The following RPAP2 variants were observed in gnomAD, a reference collection of about 807,000 sequenced individuals.
RPAP2 encodes putative RNA polymerase II subunit B1 CTD phosphatase RPAP2.
In RPAP2, 52 loss-of-function variants were observed where a neutral mutation model predicts 73.1. That is an observed-to-expected ratio of 0.71 (90% CI 0.57 to 0.90). The LOEUF (loss-of-function observed/expected upper bound fraction) is 0.90. RPAP2 is among the 40% of genes least tolerant of loss of function. RPAP2 has a pLI of 0.00. For synonymous variants in RPAP2, 225 were observed against 242.1 expected (o/e 0.93, Z 0.65); for missense variants, 598 against 701.8 (o/e 0.85, Z 1.67).
chr1:92,397,857 A>G lies in RPAP2; in HGVS notation c.*10846A>G, dbSNP rs1307836829. On this transcript the variant is annotated 3_prime_UTR_variant, in exon 13 of 13. Coordinates refer to ENST00000610020, the MANE Select transcript of RPAP2 (RefSeq NM_024813.3). ...AGCATGTCAGACAGACACAGGAGCC[A>G]ATCTGAAAGAGCTCCCTGGCCGGGC... The G allele has an allele frequency of 2.0e-5, 3 of 152,314 alleles. No individual in the cohort carries two copies. Among genetic ancestry groups the G allele is most frequent in the Non-Finnish European group, 4.4e-5 (3 of 68,144 alleles). The allele number at this position is 152,314 out of a possible 1,614,324, so 9.4% of individuals were successfully genotyped here.
chr1:92,373,835 C>T (rs1233723729), intron 11 of RPAP2, among the ~76,000 whole-genome samples: 1 of 145,606 alleles, frequency 6.9e-6, no homozygotes, highest in Admixed American at 7.0e-5. Flanking sequence ...TGAAGAACTG[C>T]TTGAACCCAG....
At chr1:92,381,805 A>AC (rs1274295130) in intron 12 of RPAP2, among the ~76,000 whole-genome samples, 2 of 151,724 alleles carry the variant, frequency 1.3e-5, no homozygotes, top group Non-Finnish European at 2.9e-5. Context: ...GTTTTAGGGT[A>AC]CATGTGCACA....
In RPAP2 at chr1:92,323,325, A is replaced by G. The variant is rs1652421779; in HGVS notation, c.525-120A>G. On this transcript the variant is annotated intron_variant, in intron 7 of 12. Coordinates refer to ENST00000610020, the MANE Select transcript of RPAP2 (RefSeq NM_024813.3). The stretch of plus-strand genomic sequence containing the variant: ...GAAATAAGGTTTTGTCTGGGGAATA[A>G]AAATTTCTACCTTGAAAGTTACAAT... 8 of 592,062 alleles carry G rather than the reference A, an allele frequency of 1.4e-5. No homozygotes were observed. The South Asian group carries it at 3.3e-4, about 25-fold the overall frequency. The allele number at this position is 592,062 out of a possible 1,614,324, so 36.7% of individuals were successfully genotyped here.
chr1:92,371,319 A>AAAT (rs1199565882), intron 11 of RPAP2, among the ~76,000 whole-genome samples: 10 of 61,724 alleles, frequency 1.6e-4, no homozygotes, highest in African/African-American at 7.2e-4. Context: ...AAAAAAAAAA[A>AAAT]ATATATATAT....
At chr1:92,345,784 G>C in intron 10 of RPAP2, 62 bp from the exon 11 acceptor site, 1 of 1,030,224 alleles carries the variant, frequency 9.7e-7, no homozygotes, top group Non-Finnish European at 1.5e-6. Flanking sequence ...ATGTTATCTA[G>C]AAAGAAATAG....
rs1030143689 is a variant in RPAP2 at position 92,400,694 on chromosome 1, T to C, written c.*13683T>C. On this transcript the variant is annotated 3_prime_UTR_variant, in exon 13 of 13. Coordinates refer to ENST00000610020, the MANE Select transcript of RPAP2 (RefSeq NM_024813.3). ...TGGAGCCTTCACAATTAGTTTTAGG[T>C]TGGGAGACCGTGAACCCACCAAGCA... The C allele has an allele frequency of 3.3e-5, 5 of 152,104 alleles. No individual in the cohort carries two copies. The highest frequency in any genetic ancestry group is 7.4e-5 in the Non-Finnish European group (5 of 68,026). The allele number at this position is 152,104 out of a possible 1,614,324, so 9.4% of individuals were successfully genotyped here.
rs1049176202 is a variant in RPAP2, at chr1:92,391,958, A to G, written c.*4947A>G. ...CAGCCAAATTCTACGAAAGGTACAAAGAGGTGCTGGTACCATTCCTTCTGA... is the reference window on the plus strand; with the variant it reads ...CAGCCAAATTCTACGAAAGGTACAAGGAGGTGCTGGTACCATTCCTTCTGA... On this transcript the variant is annotated 3_prime_UTR_variant, in exon 13 of 13. Coordinates refer to ENST00000610020, the MANE Select transcript of RPAP2 (RefSeq NM_024813.3). The G allele has an allele frequency of 3.9e-5, 6 of 152,238 alleles. No homozygotes were observed. 9.4% of individuals were successfully genotyped at this position (152,238 alleles called of 1,614,324 possible).
At chr1:92,376,336 G>A (rs1655385957) in intron 11 of RPAP2, among the ~76,000 whole-genome samples, 1 of 152,046 alleles carries the variant, frequency 6.6e-6, no homozygotes, top group Non-Finnish European at 1.5e-5. Context: ...TATTCTGTTA[G>A]GGACTGGTGG....
chr1:92,401,081 G>T lies in RPAP2; in HGVS notation c.*14070G>T, dbSNP rs967371712. The T allele has an allele frequency of 1.3e-5, 2 of 152,148 alleles. No homozygotes were observed. Among genetic ancestry groups the T allele is most frequent in the Non-Finnish European group, 2.9e-5 (2 of 68,038 alleles). 9.4% of individuals were successfully genotyped at this position (152,148 alleles called of 1,614,324 possible). A position where few individuals can be genotyped will look rare whatever the true frequency, so the allele number is the denominator to read the frequency against. On this transcript the variant is annotated 3_prime_UTR_variant, in exon 13 of 13. Coordinates refer to ENST00000610020, the MANE Select transcript of RPAP2 (RefSeq NM_024813.3). Reference sequence around the variant, plus strand: ...AGAACTCACTATCATGAGAACAGCAGGGGAGAACCACCCCCATGATCCAAT... The same window carrying T: ...AGAACTCACTATCATGAGAACAGCATGGGAGAACCACCCCCATGATCCAAT...
At position 92,385,972 on chromosome 1, in the gene RPAP2, C is replaced by T. The variant is rs1019662581; in HGVS notation, c.*-1039C>T. 5.3e-5 allele frequency among the ~76,000 whole-genome samples: 8 copies of T among 152,142 alleles called. No homozygotes were observed. The South Asian group carries it at 6.2e-4, about 12-fold the overall frequency. On this transcript the variant is annotated intron_variant, in intron 12 of 12. Coordinates refer to ENST00000610020, the MANE Select transcript of RPAP2 (RefSeq NM_024813.3). ...ATGTGGTTGTTGGCAGGATCGCACT[C>T]CTCATAGACTATTGAACTCAGGGTC...
intron 11 of RPAP2, among the ~76,000 whole-genome samples, chr1:92,366,558 A>G (rs1286167082): frequency 6.6e-6 from 1 of 152,168 alleles, no homozygotes; most frequent in African/African-American, 2.4e-5. Flanking sequence ...CAGGGGCCAC[A>G]TGTGAGACAG....
chr1:92,372,575 G>C (rs1170996148), intron 11 of RPAP2, among the ~76,000 whole-genome samples: 1 of 152,138 alleles, frequency 6.6e-6, no homozygotes, highest in Non-Finnish European at 1.5e-5. Context: ...TGTGTGGCCT[G>C]GGGGAGGGGG....
chr1:92,320,506 C>T (rs1044083937), intron 6 of RPAP2, 93 bp from the exon 7 acceptor site: 3 of 941,544 alleles, frequency 3.2e-6, no homozygotes, highest in Non-Finnish European at 5.1e-6. Flanking sequence ...CTCCTGACCT[C>T]GAGATCCGCC....
intron 11 of RPAP2, among the ~76,000 whole-genome samples, chr1:92,362,479 C>G (rs1654769193): frequency 6.6e-6 from 1 of 152,112 alleles, no homozygotes; most frequent in African/African-American, 2.4e-5. Flanking sequence ...TTGTGTTGTC[C>G]CACCATTCGC....
intron 6 of RPAP2, among the ~76,000 whole-genome samples, chr1:92,317,845 A>G (rs1273944248): frequency 6.6e-6 from 1 of 152,222 alleles, no homozygotes; most frequent in Non-Finnish European, 1.5e-5. Context: ...AAGCTGTCTT[A>G]AATTGCATTC....
At position 92,323,849 on chromosome 1, in the gene RPAP2, A is replaced by G; in HGVS notation, c.929A>G (p.Lys310Arg). The G allele has an allele frequency of 1.2e-6, 2 of 1,614,030 alleles. No homozygotes were observed. Among genetic ancestry groups the G allele is most frequent in the East Asian group, 2.2e-5 (1 of 44,880 alleles). ...SSNSTLPERL[K>R]ASENSESEYS... ...AATAGCACTTTGCCTGAAAGATTAAAAGCGTCAGAAAATTCTGAAAGTGAA... is the reference window on the plus strand; with the variant it reads ...AATAGCACTTTGCCTGAAAGATTAAGAGCGTCAGAAAATTCTGAAAGTGAA... Residue 310 changes from lysine to arginine, a missense_variant, in exon 8 of 13, where the codon AAA becomes AGA. By Grantham distance (26) the Lys-to-Arg change is conservative (BLOSUM62 2). This residue lies in a region of RPAP2 where 506 missense variants were observed against 612.8 expected (regional missense o/e 0.83). Transcript: ENST00000610020.
At position 92,323,444 on chromosome 1, in the gene RPAP2, G is replaced by A. The variant is rs1423522949; in HGVS notation, c.525-1G>A. 6.4e-7 allele frequency: 1 copy of A among 1,567,948 alleles called. No individual in the cohort carries two copies. The highest frequency in any genetic ancestry group is 1.4e-5 in the African/African-American group (1 of 72,992). On this transcript the variant is annotated splice_acceptor_variant, in intron 7 of 12. Transcript: ENST00000610020. LOFTEE classifies it high-confidence loss of function. ...TATTTTATTTCTCTTTCATTCTACA[G>A]TGGCCATTCTGGAGAAGAAGTACAG...
At chr1:92,361,498 G>GA (rs1317178953) in intron 11 of RPAP2, among the ~76,000 whole-genome samples, 1 of 151,922 alleles carries the variant, frequency 6.6e-6, no homozygotes, top group Non-Finnish European at 1.5e-5. Context: ...CATTGCACGT[G>GA]AAAAAACAAA....
At chr1:92,371,012 G>T (rs1655125170) in intron 11 of RPAP2, among the ~76,000 whole-genome samples, 1 of 152,132 alleles carries the variant, frequency 6.6e-6, no homozygotes, top group Admixed American at 6.6e-5. Context: ...GGTTCCTCAA[G>T]AAATTAAAAA....
Sources: gnomAD v4.1 joint callset for allele counts (sites outside exome capture counted in the v4.1 genomes callset) on GRCh38, gnomAD v4.1.1 for gene constraint, gnomAD v4.1.1 regional missense constraint, MANE v1.5 for transcripts, NCBI Gene and HGNC (gene_info 2026-07-23, HGNC 2026-07-21) for gene names.